RAD51B: variants seen among roughly 807,000 people sequenced by gnomAD.
RAD51B encodes RAD51 paralog B.
RAD51B carries 38 observed loss-of-function variants against 42.2 expected under a neutral mutation model. The ratio of observed to expected loss-of-function variants is 0.90; its 90% confidence interval spans 0.70 to 1.18. The LOEUF is 1.18. Among genes scored for constraint, RAD51B ranks in the 50% most tolerant of loss-of-function variants. The pLI, the probability that RAD51B is intolerant of heterozygous loss-of-function variation, is 0.00. For synonymous variants in RAD51B, 154 were observed against 145.2 expected (o/e 1.06, Z -0.43); for missense variants, 373 against 400.7 (o/e 0.93, Z 0.59).
At chr14:68,247,165 C>T (rs554136905) in intron 7 of RAD51B, among the ~76,000 whole-genome samples, 9 of 152,088 alleles carry the variant, frequency 5.9e-5, no homozygotes, top group South Asian at 2.1e-4. Flanking sequence ...CTGGCTAACT[C>T]GTAGGAAGAG....
chr14:68,046,592 T>A (rs1382971746), intron 7 of RAD51B, among the ~76,000 whole-genome samples: 2 of 152,016 alleles, frequency 1.3e-5, no homozygotes, highest in Non-Finnish European at 2.9e-5. Context: ...TTTAAAATAG[T>A]TGGGGATGGT....
intron 7 of RAD51B, among the ~76,000 whole-genome samples, chr14:67,972,333 A>C (rs1214191224): frequency 6.6e-6 from 1 of 152,010 alleles, no homozygotes; most frequent in Non-Finnish European, 1.5e-5. Context: ...CAGCTCTACT[A>C]TCTGAACACC....
intron 10 of RAD51B, among the ~76,000 whole-genome samples, chr14:68,514,717 C>T (rs1285722281): frequency 6.6e-6 from 1 of 152,162 alleles, no homozygotes; most frequent in Non-Finnish European, 1.5e-5. Flanking sequence ...AGTTATTTGC[C>T]AGGCCAGGAT....
chr14:68,048,099 T>C (rs1452492844), intron 7 of RAD51B, among the ~76,000 whole-genome samples: 1 of 152,210 alleles, frequency 6.6e-6, no homozygotes, highest in Non-Finnish European at 1.5e-5. Context: ...AGTATTTAGA[T>C]AGCTACATAG....
intron 8 of RAD51B, among the ~76,000 whole-genome samples, chr14:68,313,943 G>A (rs1331257002): frequency 6.6e-6 from 1 of 152,034 alleles, no homozygotes; most frequent in East Asian, 1.9e-4. Context: ...AAGACCCCGT[G>A]GCCTCTGATT....
chr14:68,388,586 A>G (rs769745590), intron 8 of RAD51B, among the ~76,000 whole-genome samples: 2 of 152,282 alleles, frequency 1.3e-5, no homozygotes, highest in African/African-American at 2.4e-5. Flanking sequence ...TAATTTCTAC[A>G]TGAGCCGAAC....
rs34809964 is a variant in RAD51B, at chr14:67,923,298, C to CTTT, written c.756+36110_756+36112dup. Among the ~76,000 whole-genome samples the CTTT allele has an allele frequency of 6.1e-3, 754 of 123,624 alleles. 28 individuals carry two copies. The highest frequency in any genetic ancestry group is 0.023 in the African/African-American group (703 of 30,776). The allele number at this position is 123,624 out of a possible 152,430, so 81.1% of individuals were successfully genotyped here. A position where few individuals can be genotyped will look rare whatever the true frequency, so the allele number is the denominator to read the frequency against. On this transcript the variant is annotated intron_variant, in intron 7 of 10. Coordinates refer to ENST00000471583, the MANE Select transcript of RAD51B (RefSeq NM_133510.4). ...AATTTCTTTCTTTCTTTTTCTTTTT[C>CTTT]TTTTTTTTTTTTTTTTTTGAGATGG...
intron 7 of RAD51B, among the ~76,000 whole-genome samples, chr14:68,222,456 C>T (rs973025134): frequency 6.6e-6 from 1 of 152,158 alleles, no homozygotes; most frequent in Non-Finnish European, 1.5e-5. Context: ...TGTTCTCACT[C>T]ATATGTGGGA....
At chr14:68,510,629 C>T (rs1885663305) in intron 10 of RAD51B, among the ~76,000 whole-genome samples, 1 of 152,214 alleles carries the variant, frequency 6.6e-6, no homozygotes. Flanking sequence ...CATCAGCCAT[C>T]AGCTGCCGTC....
At chr14:68,078,825 AC>A (rs1312526969) in intron 7 of RAD51B, among the ~76,000 whole-genome samples, 3 of 152,128 alleles carry the variant, frequency 2.0e-5, no homozygotes, top group African/African-American at 7.2e-5. Flanking sequence ...CCCTGTCTCT[AC>A]AAAAAAATAA....
chr14:68,259,409 A>G (rs766288115), intron 7 of RAD51B, among the ~76,000 whole-genome samples: 13 of 152,070 alleles, frequency 8.5e-5, no homozygotes, highest in Non-Finnish European at 1.8e-4. Flanking sequence ...TATGTAACAA[A>G]CCTGCACGTT....
chr14:68,522,879 C>G (rs573096273), intron 10 of RAD51B, among the ~76,000 whole-genome samples: 1 of 152,158 alleles, frequency 6.6e-6, no homozygotes, highest in Non-Finnish European at 1.5e-5. Flanking sequence ...ATCAAGGCTC[C>G]TCTCCCTGAC....
At chr14:68,665,881 G>C (rs959792881) in intron 11 of RAD51B, among the ~76,000 whole-genome samples, 1 of 152,214 alleles carries the variant, frequency 6.6e-6, no homozygotes, top group Non-Finnish European at 1.5e-5. Flanking sequence ...CCCCAACTCA[G>C]GGTGAAGCAC....
intron 10 of RAD51B, among the ~76,000 whole-genome samples, chr14:68,582,133 G>A (rs891811706): frequency 1.3e-5 from 2 of 152,194 alleles, no homozygotes; most frequent in South Asian, 4.1e-4. Flanking sequence ...AAAAGCAATG[G>A]CAACAAAAGT....
chr14:68,149,429 C>T (rs543669441), intron 7 of RAD51B, among the ~76,000 whole-genome samples: 1 of 152,168 alleles, frequency 6.6e-6, no homozygotes, highest in Non-Finnish European at 1.5e-5. Flanking sequence ...GGTCCAGCAT[C>T]GTTTGTTGAA....
chr14:67,822,725 C>T (rs1006067927), intron 1 of RAD51B, among the ~76,000 whole-genome samples: 2 of 148,348 alleles, frequency 1.3e-5, no homozygotes, highest in East Asian at 1.9e-4. Context: ...CTGTCTCGCT[C>T]TCTCTCTCTC....
chr14:67,860,219 A>C (rs951401089), intron 4 of RAD51B, among the ~76,000 whole-genome samples: 6 of 152,222 alleles, frequency 3.9e-5, no homozygotes, highest in African/African-American at 1.4e-4. Flanking sequence ...TTAATGTGAG[A>C]GGATGCTATA....
intron 10 of RAD51B, among the ~76,000 whole-genome samples, chr14:68,539,190 G>T (rs1232409099): frequency 6.6e-6 from 1 of 152,136 alleles, no homozygotes; most frequent in South Asian, 2.1e-4. Flanking sequence ...CTTTCTCCAT[G>T]CCATGCGAAC....
intron 7 of RAD51B, among the ~76,000 whole-genome samples, chr14:68,143,677 A>G (rs1303443026): frequency 2.0e-5 from 3 of 152,194 alleles, no homozygotes; most frequent in Non-Finnish European, 2.9e-5. Context: ...TATTTATGCC[A>G]AGTCCTTGCC....
Sources: allele counts gnomAD v4.1 joint callset (sites outside exome capture counted in the v4.1 genomes callset), GRCh38; gene constraint gnomAD v4.1.1; transcripts MANE v1.5; gene names NCBI Gene and HGNC (gene_info 2026-07-23, HGNC 2026-07-21).